GTF2A1: variants seen among roughly 807,000 people sequenced by gnomAD.
GTF2A1 encodes the protein general transcription factor IIA subunit 1.
In GTF2A1, 12 loss-of-function variants were observed where a neutral mutation model predicts 54.1. The observed-to-expected ratio is 0.22, with a 90% confidence interval of 0.14 to 0.36. The LOEUF (loss-of-function observed/expected upper bound fraction) is 0.36. GTF2A1 is among the 10% of genes least tolerant of loss of function. The pLI, the probability that GTF2A1 is intolerant of heterozygous loss-of-function variation, is 1.00. For synonymous variants in GTF2A1, 145 were observed against 152.0 expected (o/e 0.95, Z 0.34); for missense variants, 335 against 442.2 (o/e 0.76, Z 2.17).
chr14:81,201,703 A>C, intron 3 of GTF2A1, 45 bp from the exon 4 acceptor site: 1 of 1,310,994 alleles, frequency 7.6e-7, no homozygotes, highest in South Asian at 1.2e-5. Context: ...CCATGAGGCT[A>C]TTTTATAATC....
At chr14:81,216,294 C>T in intron 2 of GTF2A1, 119 bp downstream of exon 2, 1 of 588,452 alleles carries the variant, frequency 1.7e-6, no homozygotes, top group South Asian at 2.2e-5. Flanking sequence ...GGATTTAAAA[C>T]CAGCACACTT....
At chr14:81,213,553 A>G (rs1477875889) in intron 2 of GTF2A1, among the ~76,000 whole-genome samples, 2 of 152,298 alleles carry the variant, frequency 1.3e-5, no homozygotes, top group Middle Eastern at 3.4e-3. Context: ...CAACCATTAT[A>G]AAAGTATAAC....
chr14:81,216,728 C>T (rs1054264871), intron 1 of GTF2A1, among the ~76,000 whole-genome samples: 2 of 152,086 alleles, frequency 1.3e-5, no homozygotes, highest in Admixed American at 6.5e-5. Context: ...ACAGAAGGCC[C>T]CTAAGACTAC....
Position 81,201,735 on chromosome 14 carries a change from T to G in GTF2A1, c.338-77A>C. 3 of 937,024 alleles carry G rather than the reference T, an allele frequency of 3.2e-6. No homozygotes were observed. The South Asian group carries it at 4.1e-5, about 13-fold the overall frequency. 58.0% of individuals were successfully genotyped at this position (937,024 alleles called of 1,614,324 possible). ...AATCACAAGAACACTTTACATACAATGATGAAAACTTTTTTCATGTTTTTC... is the reference window on the plus strand; with the variant it reads ...AATCACAAGAACACTTTACATACAAGGATGAAAACTTTTTTCATGTTTTTC... On this transcript the variant is annotated intron_variant, in intron 3 of 8. Transcript: ENST00000553612.
intron 4 of GTF2A1, among the ~76,000 whole-genome samples, chr14:81,200,127 T>C (rs1893071464): frequency 6.6e-6 from 1 of 152,196 alleles, no homozygotes; most frequent in African/African-American, 2.4e-5. Flanking sequence ...TTTGTGAATT[T>C]AAAAACTGCA....
At chr14:81,214,950 T>C (rs1466983977) in intron 2 of GTF2A1, among the ~76,000 whole-genome samples, 1 of 152,208 alleles carries the variant, frequency 6.6e-6, no homozygotes, top group Non-Finnish European at 1.5e-5. Flanking sequence ...TACAATTAAG[T>C]AGTTGGGAAA....
intron 3 of GTF2A1, 138 bp downstream of exon 3, chr14:81,203,762 A>C (rs1893165102): frequency 1.5e-6 from 1 of 669,518 alleles, no homozygotes; most frequent in Admixed American, 2.6e-5. Flanking sequence ...CGAAATCAAC[A>C]GAGGGGTTTT....
At chr14:81,198,133 CA>C (rs1404112955) in intron 4 of GTF2A1, among the ~76,000 whole-genome samples, 2 of 152,050 alleles carry the variant, frequency 1.3e-5, no homozygotes, top group Admixed American at 6.6e-5. Context: ...CAGATTAATA[CA>C]AAAAATCTGT....
chr14:81,200,014 TAAA>T (rs1214088411), intron 4 of GTF2A1, among the ~76,000 whole-genome samples: 2 of 151,948 alleles, frequency 1.3e-5, no homozygotes, highest in Non-Finnish European at 2.9e-5. Context: ...TTTTTTCCAA[TAAA>T]AAATCTTGTG....
chr14:81,214,298 C>T (rs925993567), intron 2 of GTF2A1, among the ~76,000 whole-genome samples: 1 of 152,122 alleles, frequency 6.6e-6, no homozygotes, highest in African/African-American at 2.4e-5. Flanking sequence ...GCCTAATAAT[C>T]AACTTCTAAA....
At chr14:81,189,369 G>A (rs371408879) in intron 7 of GTF2A1, among the ~76,000 whole-genome samples, 7 of 152,254 alleles carry the variant, frequency 4.6e-5, no homozygotes, top group African/African-American at 1.7e-4. Context: ...ATCTCACTCA[G>A]TAGTAAAAAA....
intron 4 of GTF2A1, among the ~76,000 whole-genome samples, chr14:81,199,257 A>G (rs1893054462): frequency 6.6e-6 from 1 of 152,206 alleles, no homozygotes; most frequent in Non-Finnish European, 1.5e-5. Context: ...CACACCCTCC[A>G]CAAATTCAAG....
intron 2 of GTF2A1, among the ~76,000 whole-genome samples, chr14:81,207,648 G>A (rs1291299432): frequency 1.3e-5 from 2 of 152,196 alleles, no homozygotes; most frequent in African/African-American, 4.8e-5. Context: ...GGAAAATGTG[G>A]GAAAGTTTGG....
chr14:81,190,463 A>G (rs184642821), intron 7 of GTF2A1, among the ~76,000 whole-genome samples: 17 of 152,274 alleles, frequency 1.1e-4, no homozygotes, highest in African/African-American at 4.1e-4. Flanking sequence ...AAAATGATCA[A>G]GTTGTGCTAT....
At chr14:81,217,745 T>C (rs754386028) in intron 1 of GTF2A1, among the ~76,000 whole-genome samples, 6 of 152,116 alleles carry the variant, frequency 3.9e-5, no homozygotes, top group South Asian at 2.1e-4. Context: ...TGAGCCAAGA[T>C]TGCACCACTG....
chr14:81,206,972 T>C (rs1469564710), intron 2 of GTF2A1, among the ~76,000 whole-genome samples: 1 of 152,192 alleles, frequency 6.6e-6, no homozygotes, highest in Non-Finnish European at 1.5e-5. Context: ...ATTCAAAATG[T>C]TAAATACTAT....
At chr14:81,196,265 G>A (rs1242170646) in intron 5 of GTF2A1, 24 bp from the exon 6 acceptor site, 18 of 1,613,176 alleles carry the variant, frequency 1.1e-5, no homozygotes, top group South Asian at 6.6e-5. Flanking sequence ...CATGCATTCC[G>A]AGTTATCATT....
chr14:81,210,456 G>T (rs185774087), intron 2 of GTF2A1, among the ~76,000 whole-genome samples: 1 of 152,156 alleles, frequency 6.6e-6, no homozygotes, highest in Admixed American at 6.5e-5. Flanking sequence ...CACGAGGGCA[G>T]GAGTTCAACA....
intron 2 of GTF2A1, among the ~76,000 whole-genome samples, chr14:81,209,395 T>C (rs1893312666): frequency 6.6e-6 from 1 of 152,238 alleles, no homozygotes. Flanking sequence ...GTAAGTCCAA[T>C]TAAACCTTTT....
Sources: gnomAD v4.1 joint callset for allele counts (sites outside exome capture counted in the v4.1 genomes callset) on GRCh38, gnomAD v4.1.1 for gene constraint, MANE v1.5 for transcripts, NCBI Gene and HGNC (gene_info 2026-07-23, HGNC 2026-07-21) for gene names.